Variants in AADAT observed in about 807,000 individuals in gnomAD.
AADAT encodes the protein aminoadipate aminotransferase.
AADAT carries 25 observed loss-of-function variants against 56.2 expected under a neutral mutation model. The ratio of observed to expected loss-of-function variants is 0.44; its 90% CI spans 0.32 to 0.62. The LOEUF (loss-of-function observed/expected upper bound fraction) is 0.62, where lower values mean the gene tolerates loss of function less well. Ranked by LOEUF, AADAT falls within the 20% of genes least tolerant of loss-of-function variation. The probability of loss-of-function intolerance (pLI) is 0.04; values close to 1 mark genes in which losing one functional copy is unlikely to be tolerated. For missense variants in AADAT, 387 were observed against 510.5 expected, an observed-to-expected ratio of 0.76 and a Z score of 2.33; for synonymous variants, 173 against 164.7, an observed-to-expected ratio of 1.05 and a Z score of -0.39.
intron 11 of AADAT, 42 bp from the exon 12 acceptor site, chr4:170,062,035 A>C: frequency 7.2e-7 from 1 of 1,388,990 alleles, no homozygotes; most frequent in Non-Finnish European, 1.0e-6. Context: ...CCACTAAAGA[A>C]AAACTCAAAG....
upstream of AADAT, among the ~76,000 whole-genome samples, chr4:170,092,304 C>T (rs113533980): frequency 1.3e-5 from 2 of 152,192 alleles, no homozygotes; most frequent in Non-Finnish European, 1.5e-5. Context: ...TGCAGTTTCT[C>T]TCCTGAGGCC....
intron 4 of AADAT, among the ~76,000 whole-genome samples, chr4:170,074,380 C>G (rs773817190): frequency 6.6e-6 from 1 of 151,898 alleles, no homozygotes; most frequent in Non-Finnish European, 1.5e-5. Flanking sequence ...AGCAGTCAGC[C>G]TCAGTATCTT....
chr4:170,085,437 A>G (rs1732510484), intron 3 of AADAT, among the ~76,000 whole-genome samples: 1 of 152,228 alleles, frequency 6.6e-6, no homozygotes, highest in Non-Finnish European at 1.5e-5. Flanking sequence ...CTAAAATAAC[A>G]TGACTCCTGG....
At chr4:170,081,894 C>G (rs1320964250) in intron 3 of AADAT, among the ~76,000 whole-genome samples, 3 of 152,054 alleles carry the variant, frequency 2.0e-5, no homozygotes, top group Non-Finnish European at 2.9e-5. Context: ...AGCGATCATC[C>G]AAGAATATTG....
chr4:170,091,110 C>T (rs1339572743), upstream of AADAT, among the ~76,000 whole-genome samples: 2 of 152,252 alleles, frequency 1.3e-5, no homozygotes, highest in Non-Finnish European at 2.9e-5. Flanking sequence ...GCCTCCTCGG[C>T]CTCAGCGCTC....
intron 3 of AADAT, among the ~76,000 whole-genome samples, chr4:170,083,573 T>A (rs11939395): frequency 0.56 from 84,497 of 149,606 alleles, 25,189 homozygotes; most frequent in East Asian, 0.97. Context: ...CCATTAAAAA[T>A]TGGGCAAAAG....
At chr4:170,088,089 C>T (rs1053089632) in intron 2 of AADAT, among the ~76,000 whole-genome samples, 2 of 151,566 alleles carry the variant, frequency 1.3e-5, no homozygotes, top group African/African-American at 4.8e-5. Flanking sequence ...ATGGTATTTC[C>T]TTCTAGAAGC....
At chr4:170,061,014 A>G (rs750856764) in intron 12 of AADAT, 45 bp from the exon 13 acceptor site, 54 of 1,311,730 alleles carry the variant, frequency 4.1e-5, no homozygotes, top group Non-Finnish European at 5.4e-5. Context: ...TTAGGATACT[A>G]TATTGGAAAA....
intron 3 of AADAT, among the ~76,000 whole-genome samples, chr4:170,079,863 TG>T (rs1732205863): frequency 6.6e-6 from 1 of 152,214 alleles, no homozygotes; most frequent in South Asian, 2.1e-4. Context: ...GGAAGGAGCC[TG>T]GAAGTTACTG....
At chr4:170,062,069 A>T in intron 11 of AADAT, 76 bp from the exon 12 acceptor site, 1 of 887,588 alleles carries the variant, frequency 1.1e-6, no homozygotes, top group East Asian at 2.6e-5. Context: ...GCCTAATCTC[A>T]GAGTAGGGAA....
intron 12 of AADAT, 150 bp from the exon 13 acceptor site, chr4:170,061,119 C>A: frequency 2.2e-6 from 1 of 448,174 alleles, no homozygotes; most frequent in Non-Finnish European, 3.8e-6. Flanking sequence ...TTTATCTGTG[C>A]AGGATGCCAT....
At chr4:170,085,396 T>C (rs1732507672) in intron 3 of AADAT, among the ~76,000 whole-genome samples, 1 of 152,194 alleles carries the variant, frequency 6.6e-6, no homozygotes. Flanking sequence ...CTGGGAGCAC[T>C]GTTTAAAAGA....
At chr4:170,086,113 T>C (rs1732547988) in intron 3 of AADAT, among the ~76,000 whole-genome samples, 1 of 152,016 alleles carries the variant, frequency 6.6e-6, no homozygotes, top group Non-Finnish European at 1.5e-5. Flanking sequence ...GGCATATTGG[T>C]GTGCACCCGC....
chr4:170,076,541 C>A (rs1732043826), intron 4 of AADAT, among the ~76,000 whole-genome samples: 1 of 151,944 alleles, frequency 6.6e-6, no homozygotes. Context: ...CTATTTAAGT[C>A]CTTTGTCCAT....
At chr4:170,073,900 A>G (rs1581582039) in intron 4 of AADAT, among the ~76,000 whole-genome samples, 1 of 146,604 alleles carries the variant, frequency 6.8e-6, no homozygotes, top group Non-Finnish European at 1.5e-5. Flanking sequence ...TGTGTCTTGC[A>G]GTGGGCAACA....
chr4:170,088,398 A>C lies in AADAT; in HGVS notation c.234T>G (p.Ala78=), dbSNP rs1732667711. The change falls in exon 2 of 13, where the codon GCT becomes GCG. Residue 78 remains alanine (A), a splice_region_variant and synonymous_variant. Transcript: ENST00000337664. ...TTATGTTAAGTATTGATACTTACCCAGCACTCGGAGAATACTGAAGTGCTC... is the reference window on the plus strand; with the variant it reads ...TTATGTTAAGTATTGATACTTACCCCGCACTCGGAGAATACTGAAGTGCTC... ...MKRALQYSPS[A]GIPELLSWLK... The C allele has an allele frequency of 6.3e-7, 1 of 1,591,628 alleles. No individual in the cohort carries two copies. The highest frequency in any genetic ancestry group is 1.7e-4 in the Middle Eastern group (1 of 5,980).
chr4:170,086,465 C>T (rs891997777), intron 3 of AADAT, among the ~76,000 whole-genome samples: 1 of 151,910 alleles, frequency 6.6e-6, no homozygotes, highest in African/African-American at 2.4e-5. Context: ...TAGAGAAATA[C>T]ACCCAAGAGG....
chr4:170,088,734 C>A (rs1184360253), intron 1 of AADAT, among the ~76,000 whole-genome samples, 170 bp from the exon 2 acceptor site: 1 of 152,140 alleles, frequency 6.6e-6, no homozygotes, highest in East Asian at 1.9e-4. Flanking sequence ...GAAGTTAATA[C>A]TAATGTGATA....
intron 3 of AADAT, among the ~76,000 whole-genome samples, chr4:170,086,302 G>A (rs1193018378): frequency 6.6e-6 from 1 of 151,922 alleles, no homozygotes; most frequent in African/African-American, 2.4e-5. Flanking sequence ...CCACAGATGT[G>A]GTCTCTTTAT....
Sources: allele counts gnomAD v4.1 joint callset (sites outside exome capture counted in the v4.1 genomes callset), GRCh38; gene constraint gnomAD v4.1.1; transcripts MANE v1.5; gene names NCBI Gene and HGNC (gene_info 2026-07-23, HGNC 2026-07-21).